The following VWA5B1 variants were observed in gnomAD, a reference collection of about 807,000 sequenced individuals.
The protein encoded by VWA5B1 is von Willebrand factor A domain containing 5B1.
Under a neutral mutation model 118.2 loss-of-function variants are expected in VWA5B1, and 115 were observed. The ratio of observed to expected loss-of-function variants is 0.97; its 90% CI spans 0.84 to 1.14. The LOEUF is 1.14. VWA5B1 is among the 50% of genes most tolerant of loss of function. The pLI is 0.00. For missense variants in VWA5B1, 1,596 were observed against 1,603.8 expected (o/e 1.00, Z 0.08); for synonymous variants, 682 against 658.4 (o/e 1.04, Z -0.55).
rs2089906407 is a variant in VWA5B1, at chr1:20,342,618, C to A, written c.2311+9C>A. The A allele has an allele frequency of 1.4e-6, 2 of 1,471,908 alleles. No individual in the cohort carries two copies. Among genetic ancestry groups the A allele is most frequent in the Non-Finnish European group, 1.8e-6 (2 of 1,111,914 alleles). 91.2% of individuals were successfully genotyped at this position (1,471,908 alleles called of 1,614,324 possible). Reference sequence around the variant, plus strand: ...AAGCCCTGGAGATCTGGGTAAGTGACCACAGGGTCCAGGACCCAACTGGGG... The same window carrying A: ...AAGCCCTGGAGATCTGGGTAAGTGAACACAGGGTCCAGGACCCAACTGGGG... On this transcript the variant is annotated intron_variant, in intron 15 of 21. Transcript: ENST00000289815.
At chr1:20,291,351 T>TTCTTTCTTTCTC (rs1557821869) in intron 1 of VWA5B1, among the ~76,000 whole-genome samples, 1 of 103,026 alleles carries the variant, frequency 9.7e-6, no homozygotes, top group Non-Finnish European at 1.8e-5. Flanking sequence ...CTTTCTTTCT[T>TTCTTTCTTTCTC]TCTTTCTTTC....
intron 1 of VWA5B1, among the ~76,000 whole-genome samples, chr1:20,306,952 C>T (rs1241684037): frequency 2.6e-5 from 4 of 152,106 alleles, no homozygotes; most frequent in Admixed American, 2.0e-4. Context: ...TTCTTGCCCT[C>T]CCCAGTCCTC....
chr1:20,333,355 T>C (rs1249359956), intron 12 of VWA5B1, among the ~76,000 whole-genome samples: 1 of 152,170 alleles, frequency 6.6e-6, no homozygotes. Flanking sequence ...CAGGCACCTA[T>C]AATCCCAGCT....
chr1:20,330,467 C>G (rs1464531669), intron 10 of VWA5B1, 85 bp downstream of exon 10: 6 of 1,471,340 alleles, frequency 4.1e-6, no homozygotes, highest in Non-Finnish European at 4.6e-6. Flanking sequence ...GTGGAAAATG[C>G]CAGAGGGAGA....
chr1:20,304,149 C>G (rs2088577288), intron 1 of VWA5B1, among the ~76,000 whole-genome samples: 1 of 152,140 alleles, frequency 6.6e-6, no homozygotes, highest in Admixed American at 6.5e-5. Context: ...CTCACAGCCC[C>G]ATGGGAAGTT....
chr1:20,323,309 A>T, intron 7 of VWA5B1, 47 bp from the exon 8 acceptor site: 2 of 1,393,120 alleles, frequency 1.4e-6, no homozygotes, highest in Non-Finnish European at 1.9e-6. Context: ...CCCCAGGAGT[A>T]CCTCTTGACC....
Position 20,355,693 on chromosome 1 carries a change from G to T in VWA5B1, c.*1430G>T, listed in dbSNP as rs1309557989. Among the ~76,000 whole-genome samples, 2 of 152,232 alleles carry T rather than the reference G, an allele frequency of 1.3e-5. No homozygotes were observed. The highest frequency in any genetic ancestry group is 2.9e-5 in the Non-Finnish European group (2 of 68,034). ...CCCCGGCCTCAGGAAGACTCGAGGG[G>T]TGTGCAGCCTCCAGCAGGGGCTGGA... On this transcript the variant is annotated 3_prime_UTR_variant, in exon 22 of 22. Coordinates refer to ENST00000289815, the MANE Select transcript of VWA5B1 (RefSeq NM_001039500.3).
Position 20,310,712 on chromosome 1 carries a change from T to A in VWA5B1, c.111T>A (p.Tyr37Ter). ...TGGGCCTAACTGCCTCCCTCACCTA[T>A]GGCAACCTGGAAGCCCAGCCCTTCC... ...YALGLTASLT[Y>*]GNLEAQPFQG... is the part of the protein sequence containing the mutation. The change falls in exon 2 of 22, where the codon TAT (tyrosine) becomes TAA (stop). Residue 37 changes from tyrosine to a stop codon, truncating the protein, a stop_gained. Coordinates refer to ENST00000289815, the MANE Select transcript of VWA5B1 (RefSeq NM_001039500.3). LOFTEE classifies it high-confidence loss of function. 6.5e-7 allele frequency: 1 copy of A among 1,550,162 alleles called. No individual in the cohort carries two copies. The highest frequency in any genetic ancestry group is 8.7e-7 in the Non-Finnish European group (1 of 1,146,438).
intron 18 of VWA5B1, 101 bp from the exon 19 acceptor site, chr1:20,350,055 C>A: frequency 1.6e-6 from 2 of 1,243,490 alleles, no homozygotes; most frequent in Non-Finnish European, 2.3e-6. Flanking sequence ...TGTTCCCCAA[C>A]CCACCTGCAG....
intron 17 of VWA5B1, among the ~76,000 whole-genome samples, chr1:20,346,680 G>C (rs922903737): frequency 6.6e-6 from 1 of 152,176 alleles, no homozygotes; most frequent in Non-Finnish European, 1.5e-5. Context: ...CAGTCTGATA[G>C]GTGAGAAGAG....
chr1:20,325,142 T>C (rs1342135134), intron 8 of VWA5B1, among the ~76,000 whole-genome samples: 2 of 152,246 alleles, frequency 1.3e-5, no homozygotes, highest in Non-Finnish European at 2.9e-5. Flanking sequence ...ACAGGGCTAG[T>C]GAGAGAGCCT....
chr1:20,319,244 T>C, intron 6 of VWA5B1, 138 bp from the exon 7 acceptor site: 2 of 1,313,496 alleles, frequency 1.5e-6, no homozygotes, highest in East Asian at 2.5e-5. Flanking sequence ...CCTACACTGC[T>C]TCAGGCAGCC....
intron 21 of VWA5B1, among the ~76,000 whole-genome samples, chr1:20,353,114 G>A (rs1012448767): frequency 1.3e-5 from 2 of 152,208 alleles, no homozygotes; most frequent in African/African-American, 4.8e-5. Flanking sequence ...AGACTTGCAG[G>A]ATGAGGAGAT....
At chr1:20,339,210 A>G (rs2089808501) in intron 14 of VWA5B1, 1 of 152,286 alleles carries the variant, frequency 6.6e-6, no homozygotes, top group East Asian at 1.9e-4. Context: ...GTTGAGCACC[A>G]TTGTCCTAAA....
chr1:20,317,739 A>C, intron 5 of VWA5B1, 64 bp downstream of exon 5: 5 of 675,208 alleles, frequency 7.4e-6, no homozygotes, highest in Non-Finnish European at 1.0e-5. Context: ...GCTGCCAGGG[A>C]TGGGACGGGG....
intron 13 of VWA5B1, among the ~76,000 whole-genome samples, chr1:20,336,719 G>A (rs537917016): frequency 6.6e-6 from 1 of 152,214 alleles, no homozygotes; most frequent in East Asian, 1.9e-4. Flanking sequence ...CCAAAGCCTC[G>A]TTATGGTGTT....
rs541730517 is a variant in VWA5B1, at chr1:20,307,930, A to G, written c.-26-2646A>G. Among the ~76,000 whole-genome samples the G allele has an allele frequency of 2.2e-4, 33 of 151,668 alleles. 1 individual carries two copies. The highest frequency in any genetic ancestry group is 8.0e-4 in the African/African-American group (33 of 41,270). On this transcript the variant is annotated intron_variant, in intron 1 of 21. Transcript: ENST00000289815. Reference sequence around the variant, plus strand: ...GTACATATACAGGTTTGTTACATGGATATGTTGCATGATGGTGAGTTTTGG... The same window carrying G: ...GTACATATACAGGTTTGTTACATGGGTATGTTGCATGATGGTGAGTTTTGG...
Position 20,345,563 on chromosome 1 carries a change from C to T in VWA5B1, c.2734C>T (p.Leu912=). Reference sequence around the variant, plus strand: ...TGTGGACGTGAGCAAGAGCCGGTACCTGCCCACCGTGGTGGAGTACCCCAA... The same window carrying T: ...TGTGGACGTGAGCAAGAGCCGGTACTTGCCCACCGTGGTGGAGTACCCCAA... The part of the protein sequence containing the change: ...VPVDVSKSRY[L]PTVVEYPNSG... Residue 912 remains leucine, a synonymous_variant, in exon 17 of 22, where the codon CTG becomes TTG. Transcript: ENST00000289815. 2 of 1,550,738 alleles carry T rather than the reference C, an allele frequency of 1.3e-6. No individual in the cohort carries two copies. Among genetic ancestry groups the T allele is most frequent in the Admixed American group, 2.0e-5 (1 of 50,962 alleles).
chr1:20,302,203 G>A (rs987484324), intron 1 of VWA5B1, among the ~76,000 whole-genome samples: 2 of 152,040 alleles, frequency 1.3e-5, no homozygotes, highest in African/African-American at 4.8e-5. Context: ...ATAAAGCACC[G>A]AGAAGCCTGA....
Sources: allele counts gnomAD v4.1 joint callset (sites outside exome capture counted in the v4.1 genomes callset), GRCh38; gene constraint gnomAD v4.1.1; transcripts MANE v1.5; gene names NCBI Gene and HGNC (gene_info 2026-07-23, HGNC 2026-07-21).